Variants in CCSER1 observed in about 807,000 individuals in gnomAD.
CCSER1 encodes serine-rich coiled-coil domain-containing protein 1.
Under a neutral mutation model 82.0 loss-of-function variants are expected in CCSER1, and 41 were observed. The observed-to-expected ratio is 0.50, with a 90% CI of 0.39 to 0.65. The LOEUF (loss-of-function observed/expected upper bound fraction) is 0.65, where lower values mean the gene tolerates loss of function less well. Among genes scored for constraint, CCSER1 ranks in the 30% least tolerant of loss-of-function variants. CCSER1 has a pLI of 0.00. For synonymous variants in CCSER1, 414 were observed against 383.9 expected, an observed-to-expected ratio of 1.08 and a Z score of -0.92; for missense variants, 1,119 against 1,064.2, an observed-to-expected ratio of 1.05 and a Z score of -0.72.
At chr4:90,754,366 C>T (rs563177986) in intron 7 of CCSER1, among the ~76,000 whole-genome samples, 5 of 152,116 alleles carry the variant, frequency 3.3e-5, no homozygotes, top group African/African-American at 9.6e-5. Flanking sequence ...TATGTGTGAG[C>T]ATATATATCT....
At chr4:91,286,691 TTGTGACCATAA>T (rs1198305069) in intron 10 of CCSER1, among the ~76,000 whole-genome samples, 1 of 151,902 alleles carries the variant, frequency 6.6e-6, no homozygotes, top group Non-Finnish European at 1.5e-5. Flanking sequence ...GTTTTCCATT[TTGTGACCATAA>T]TTACTACTTT....
intron 5 of CCSER1, among the ~76,000 whole-genome samples, chr4:90,517,777 G>C (rs1772483955): frequency 6.6e-6 from 1 of 152,066 alleles, no homozygotes; most frequent in Non-Finnish European, 1.5e-5. Flanking sequence ...CCAATGTTAG[G>C]ACTAAGCTCG....
intron 10 of CCSER1, among the ~76,000 whole-genome samples, chr4:91,466,462 C>G (rs1429041163): frequency 6.6e-6 from 1 of 152,148 alleles, no homozygotes; most frequent in East Asian, 1.9e-4. Flanking sequence ...GATGCCCTCT[C>G]TCACCACTCC....
chr4:91,368,844 T>G (rs893039216), intron 10 of CCSER1, among the ~76,000 whole-genome samples: 6 of 152,190 alleles, frequency 3.9e-5, no homozygotes, highest in African/African-American at 1.4e-4. Context: ...AACAATGATT[T>G]TATTCTATAT....
At chr4:90,623,946 C>T (rs1192608870) in intron 5 of CCSER1, among the ~76,000 whole-genome samples, 1 of 152,158 alleles carries the variant, frequency 6.6e-6, no homozygotes. Context: ...ATTAAACTCA[C>T]CGTAAATAAC....
At chr4:91,132,010 TAA>T (rs1159670109) in intron 10 of CCSER1, among the ~76,000 whole-genome samples, 1 of 151,856 alleles carries the variant, frequency 6.6e-6, no homozygotes, top group Admixed American at 6.6e-5. Flanking sequence ...TTAGAAAAGA[TAA>T]AAGTTACCTG....
At chr4:90,601,283 C>G (rs1481910987) in intron 5 of CCSER1, among the ~76,000 whole-genome samples, 2 of 151,448 alleles carry the variant, frequency 1.3e-5, no homozygotes, top group East Asian at 3.9e-4. Flanking sequence ...GCTGTTAGCT[C>G]TGTGTATGTA....
intron 3 of CCSER1, among the ~76,000 whole-genome samples, chr4:90,325,429 A>T (rs989427425): frequency 6.6e-6 from 1 of 152,210 alleles, no homozygotes; most frequent in African/African-American, 2.4e-5. Flanking sequence ...AAGTTAGAAA[A>T]CTAAGATTGT....
intron 4 of CCSER1, among the ~76,000 whole-genome samples, chr4:90,431,591 T>A (rs545443288): frequency 4.6e-5 from 7 of 152,092 alleles, no homozygotes; most frequent in Non-Finnish European, 7.4e-5. Flanking sequence ...AATTTAGAAA[T>A]CTTTCTGTAG....
chr4:91,040,148 C>T lies in CCSER1; in HGVS notation c.2173-45802C>T, dbSNP rs144477268. Among the ~76,000 whole-genome samples, 408 of 152,118 alleles carry T rather than the reference C, an allele frequency of 2.7e-3. 2 individuals carry two copies. The highest frequency in any genetic ancestry group is 9.3e-3 in the African/African-American group (385 of 41,526). On this transcript the variant is annotated intron_variant, in intron 9 of 10. Transcript: ENST00000509176. ...TCTCATGGTCATGAGTCTCCAGATA[C>T]CTTTTAAGGTAACATAAATGCTGTG...
intron 10 of CCSER1, among the ~76,000 whole-genome samples, chr4:91,368,042 T>C (rs541385387): frequency 6.6e-6 from 1 of 152,316 alleles, no homozygotes; most frequent in Admixed American, 6.5e-5. Context: ...CCTATGTGGA[T>C]ATTTGGTAAA....
intron 10 of CCSER1, among the ~76,000 whole-genome samples, chr4:91,482,006 A>G (rs1200049830): frequency 6.6e-6 from 1 of 152,232 alleles, no homozygotes; most frequent in East Asian, 1.9e-4. Flanking sequence ...TGCAGCCAGC[A>G]GACACATGAA....
chr4:90,185,471 A>G (rs1285223067), intron 1 of CCSER1, among the ~76,000 whole-genome samples: 2 of 152,096 alleles, frequency 1.3e-5, no homozygotes, highest in Admixed American at 1.3e-4. Context: ...CAAATGTACA[A>G]TATGGATACG....
chr4:90,928,986 G>A (rs1371706831), intron 9 of CCSER1, among the ~76,000 whole-genome samples: 1 of 152,094 alleles, frequency 6.6e-6, no homozygotes, highest in Non-Finnish European at 1.5e-5. Flanking sequence ...CATAAGCACT[G>A]AGAAGAAATC....
intron 7 of CCSER1, among the ~76,000 whole-genome samples, chr4:90,764,897 C>T: frequency 6.6e-6 from 1 of 152,034 alleles, no homozygotes; most frequent in East Asian, 1.9e-4. Context: ...TGGTATTTTA[C>T]TGTTAAACAA....
intron 7 of CCSER1, among the ~76,000 whole-genome samples, chr4:90,737,090 C>A (rs1393712207): frequency 1.3e-5 from 2 of 152,026 alleles, no homozygotes; most frequent in Non-Finnish European, 2.9e-5. Context: ...GTTGTTCTAG[C>A]TATTATTTTT....
intron 5 of CCSER1, among the ~76,000 whole-genome samples, chr4:90,532,856 C>G (rs536789176): frequency 6.6e-6 from 1 of 152,060 alleles, no homozygotes; most frequent in Non-Finnish European, 1.5e-5. Flanking sequence ...TCTACTTCTC[C>G]CAAGTATCTA....
intron 10 of CCSER1, among the ~76,000 whole-genome samples, chr4:91,575,378 A>T (rs1214430130): frequency 6.6e-6 from 1 of 152,032 alleles, no homozygotes; most frequent in African/African-American, 2.4e-5. Context: ...GAATGTCATC[A>T]AACTAAAATA....
intron 10 of CCSER1, among the ~76,000 whole-genome samples, chr4:91,490,938 TCTA>T (rs1427630054): frequency 1.2e-5 from 1 of 86,758 alleles, no homozygotes; most frequent in African/African-American, 4.1e-5. Context: ...AAAATATGCG[TCTA>T]CTATGTACCC....
Sources: allele counts gnomAD v4.1 joint callset (sites outside exome capture counted in the v4.1 genomes callset), GRCh38; gene constraint gnomAD v4.1.1; transcripts MANE v1.5; gene names NCBI Gene and HGNC (gene_info 2026-07-23, HGNC 2026-07-21).